Variants in CCSER1 observed in about 807,000 individuals in gnomAD.
CCSER1 encodes coiled-coil serine rich protein 1, also known as serine-rich coiled-coil domain-containing protein 1.
A neutral mutation model predicts 82.0 loss-of-function variants in CCSER1; 41 were observed. The ratio of observed to expected loss-of-function variants is 0.50; its 90% confidence interval spans 0.39 to 0.65. The LOEUF is 0.65. Ranked by LOEUF, CCSER1 falls within the 30% of genes least tolerant of loss-of-function variation. The pLI, the probability that CCSER1 is intolerant of heterozygous loss-of-function variation, is 0.00. For synonymous variants in CCSER1, 414 were observed against 383.9 expected (o/e 1.08, Z -0.92); for missense variants, 1,119 against 1,064.2 (o/e 1.05, Z -0.72).
At position 90,406,180 on chromosome 4, in the gene CCSER1, C is replaced by T. The variant is rs149445332; in HGVS notation, c.1603+6051C>T. Among the ~76,000 whole-genome samples, 360 of 152,154 alleles carry T rather than the reference C, an allele frequency of 2.4e-3. 2 individuals carry two copies. Among genetic ancestry groups the T allele is most frequent in the Non-Finnish European group, 4.4e-3 (302 of 68,004 alleles). On this transcript the variant is annotated intron_variant, in intron 4 of 10. Transcript: ENST00000509176. ...AAGGGGTGGAAAAAGATATTCCATG[C>T]AAATGGACAACAAAATTGAGCAGGA...
At chr4:90,260,164 G>A (rs1724065902) in intron 1 of CCSER1, among the ~76,000 whole-genome samples, 1 of 152,102 alleles carries the variant, frequency 6.6e-6, no homozygotes, top group South Asian at 2.1e-4. Context: ...TCTGTTCAGT[G>A]TTCCTGTTTC....
intron 9 of CCSER1, among the ~76,000 whole-genome samples, chr4:90,965,340 C>T (rs982210663): frequency 6.6e-6 from 1 of 151,938 alleles, no homozygotes; most frequent in East Asian, 1.9e-4. Context: ...CAGGGGTGTG[C>T]CCATATTCAA....
intron 5 of CCSER1, among the ~76,000 whole-genome samples, chr4:90,502,496 A>G (rs769798716): frequency 2.6e-5 from 4 of 152,144 alleles, no homozygotes; most frequent in Non-Finnish European, 5.9e-5. Flanking sequence ...ATATCACTAA[A>G]AGTTTGTGTT....
intron 9 of CCSER1, among the ~76,000 whole-genome samples, chr4:90,955,177 T>C (rs943700727): frequency 6.6e-6 from 1 of 152,194 alleles, no homozygotes; most frequent in South Asian, 2.1e-4. Flanking sequence ...TGTTTTTCAT[T>C]GCTATACCCC....
In CCSER1 at chr4:90,918,393, C is replaced by T. The variant is rs549588440; in HGVS notation, c.2095-4977C>T. On this transcript the variant is annotated intron_variant, in intron 8 of 10. Transcript: ENST00000509176. ...TTGGGATTATTGAGTATTTTTATTTCAGCTCGTTTTACAGCACTGAAAGCT... is the reference window on the plus strand; with the variant it reads ...TTGGGATTATTGAGTATTTTTATTTTAGCTCGTTTTACAGCACTGAAAGCT... 6.7e-4 allele frequency: 260 copies of T among 385,280 alleles called. 1 individual carries two copies. Among genetic ancestry groups the T allele is most frequent in the Non-Finnish European group, 1.1e-3 (225 of 196,112 alleles). 23.9% of individuals were successfully genotyped at this position (385,280 alleles called of 1,614,324 possible).
At chr4:91,569,443 A>G (rs2110279243) in intron 10 of CCSER1, among the ~76,000 whole-genome samples, 1 of 152,256 alleles carries the variant, frequency 6.6e-6, no homozygotes, top group Admixed American at 6.5e-5. Context: ...GGCTGTTCTC[A>G]TGCTTGTGTG....
chr4:91,242,756 TTA>T (rs1286546400), intron 10 of CCSER1, among the ~76,000 whole-genome samples: 1 of 152,118 alleles, frequency 6.6e-6, no homozygotes, highest in Non-Finnish European at 1.5e-5. Context: ...TGAAAAGCAC[TTA>T]TATCCAAACT....
intron 10 of CCSER1, among the ~76,000 whole-genome samples, chr4:91,597,537 C>A (rs1426434281): frequency 1.3e-5 from 2 of 151,968 alleles, no homozygotes; most frequent in Admixed American, 6.6e-5. Flanking sequence ...AAGGGAAATT[C>A]TTGGGGAAGA....
chr4:90,711,984 G>A (rs990416583), intron 6 of CCSER1, among the ~76,000 whole-genome samples: 2 of 151,578 alleles, frequency 1.3e-5, no homozygotes, highest in Non-Finnish European at 3.0e-5. Flanking sequence ...ATTTCTGTTG[G>A]GTCAGTGGTA....
Position 91,235,021 on chromosome 4 carries a change from C to T in CCSER1, c.2217+149027C>T, listed in dbSNP as rs190710038. ...CCAGTCAGGCTTTGAATCTTGGTTC[C>T]GTCCTATCTAGTTGTGCCTTATTAA... is the stretch of plus-strand genomic sequence containing the variant. On this transcript the variant is annotated intron_variant, in intron 10 of 10. Transcript: ENST00000509176. Among the ~76,000 whole-genome samples, 162 of 151,846 alleles carry T rather than the reference C, an allele frequency of 1.1e-3. 2 individuals carry two copies. The highest frequency in any genetic ancestry group is 3.6e-3 in the African/African-American group (149 of 41,430).
chr4:90,689,210 A>G (rs1313495802), intron 6 of CCSER1, among the ~76,000 whole-genome samples: 1 of 152,102 alleles, frequency 6.6e-6, no homozygotes, highest in Non-Finnish European at 1.5e-5. Flanking sequence ...CAATGCAGGG[A>G]ACACAGAATT....
intron 4 of CCSER1, among the ~76,000 whole-genome samples, chr4:90,409,849 A>T (rs1328106133): frequency 6.6e-6 from 1 of 152,230 alleles, no homozygotes; most frequent in African/African-American, 2.4e-5. Flanking sequence ...TCAGATAAAG[A>T]GTTAAGACCC....
At chr4:90,133,127 A>G (rs1027953581) in intron 1 of CCSER1, among the ~76,000 whole-genome samples, 3 of 152,206 alleles carry the variant, frequency 2.0e-5, no homozygotes, top group African/African-American at 7.2e-5. Flanking sequence ...TAAAAACTGA[A>G]GGCTATGTCT....
At chr4:91,515,898 C>A (rs1457688305) in intron 10 of CCSER1, among the ~76,000 whole-genome samples, 1 of 147,222 alleles carries the variant, frequency 6.8e-6, no homozygotes, top group Non-Finnish European at 1.5e-5. Context: ...TTAATAATAG[C>A]CATTCTAACT....
chr4:90,499,845 A>G (rs1450296858), intron 5 of CCSER1, among the ~76,000 whole-genome samples: 1 of 152,194 alleles, frequency 6.6e-6, no homozygotes, highest in Non-Finnish European at 1.5e-5. Context: ...TGACCAAGCC[A>G]TCAGTTGTTT....
intron 10 of CCSER1, among the ~76,000 whole-genome samples, chr4:91,596,387 T>C (rs538770994): frequency 2.0e-5 from 3 of 152,238 alleles, no homozygotes; most frequent in East Asian, 1.9e-4. Flanking sequence ...GTTATCATTA[T>C]GGACTTATTA....
chr4:91,115,256 A>G (rs1001636221), intron 10 of CCSER1, among the ~76,000 whole-genome samples: 10 of 152,226 alleles, frequency 6.6e-5, no homozygotes, highest in African/African-American at 2.4e-4. Context: ...CATTAGCAAT[A>G]CATTTCTCAA....
At chr4:91,203,304 T>G (rs1736079810) in intron 10 of CCSER1, among the ~76,000 whole-genome samples, 1 of 151,778 alleles carries the variant, frequency 6.6e-6, no homozygotes, top group Non-Finnish European at 1.5e-5. Flanking sequence ...TAAGGAAAGA[T>G]TTTTTTTCAA....
chr4:91,145,850 G>C (rs532411821), intron 10 of CCSER1, among the ~76,000 whole-genome samples: 2 of 152,218 alleles, frequency 1.3e-5, no homozygotes, highest in South Asian at 2.1e-4. Context: ...CCCTTTGAAA[G>C]TGATATGACC....
Sources: allele counts gnomAD v4.1 joint callset (sites outside exome capture counted in the v4.1 genomes callset), GRCh38; gene constraint gnomAD v4.1.1; transcripts MANE v1.5; gene names NCBI Gene and HGNC (gene_info 2026-07-23, HGNC 2026-07-21).